The following GAS7 variants were observed in gnomAD, a reference collection of about 807,000 sequenced individuals.
The protein encoded by GAS7 is growth arrest-specific protein 7.
In GAS7, 28 loss-of-function variants were observed where a neutral mutation model predicts 71.1. The ratio of observed to expected loss-of-function variants is 0.39; its 90% CI spans 0.29 to 0.54. The LOEUF (loss-of-function observed/expected upper bound fraction) is 0.54, where lower values mean the gene tolerates loss of function less well. Among genes scored for constraint, GAS7 ranks in the 20% least tolerant of loss-of-function variants. The pLI, the probability that GAS7 is intolerant of heterozygous loss-of-function variation, is 0.62. For synonymous variants in GAS7, 258 were observed against 245.8 expected (o/e 1.05, Z -0.46); for missense variants, 436 against 627.8 (o/e 0.69, Z 3.27).
intron 1 of GAS7, chr17:10,059,688 T>C (rs1338229963): frequency 3.0e-6 from 3 of 985,114 alleles, no homozygotes; most frequent in Non-Finnish European, 3.6e-6. Flanking sequence ...TGGTTCCAAC[T>C]CACCTCAGCC....
At position 10,034,545 on chromosome 17, in the gene GAS7, G is replaced by A. The variant is rs1410590760; in HGVS notation, c.184-14648C>T. 6.6e-6 allele frequency among the ~76,000 whole-genome samples: 1 copy of A among 152,158 alleles called. No homozygotes were observed. The highest frequency in any genetic ancestry group is 1.9e-4 in the East Asian group (1 of 5,190). ...GCTGGCCTTGAACTCCTGACCTCAG[G>A]TGATCTGCCCACCTCGGCCTCCCAA... On this transcript the variant is annotated intron_variant, in intron 1 of 13. Transcript: ENST00000432992. This position sits in a 1 kb window ranked among gnomAD's most constrained non-coding sequence, Gnocchi z 4.4.
rs142055012 is a variant in GAS7 at position 10,099,998 on chromosome 17, T to C, written c.184-80101A>G. Among the ~76,000 whole-genome samples, 16 of 152,222 alleles carry C rather than the reference T, an allele frequency of 1.1e-4. No homozygotes were observed. The East Asian group carries it at 2.1e-3, about 20-fold the overall frequency. On this transcript the variant is annotated intron_variant, in intron 1 of 13. Transcript: ENST00000432992. ...TAGACCAGTTCCCTTAGCACCTACA[T>C]AGAAGATCAGGAATGGAAAGAGACA...
At chr17:10,077,956 C>T (rs181270312) in intron 1 of GAS7, among the ~76,000 whole-genome samples, 1 of 152,128 alleles carries the variant, frequency 6.6e-6, no homozygotes, top group East Asian at 1.9e-4. Flanking sequence ...CAGAACAGAG[C>T]AAATAGATGC....
At chr17:9,999,625 T>G (rs1000064436) in intron 2 of GAS7, among the ~76,000 whole-genome samples, 2 of 152,018 alleles carry the variant, frequency 1.3e-5, no homozygotes, top group African/African-American at 4.8e-5. Context: ...AGCAATAATC[T>G]CTCAGGTGTG....
chr17:9,922,140 T>C (rs115462366), intron 11 of GAS7, among the ~76,000 whole-genome samples: 1,757 of 152,136 alleles, frequency 0.012, 24 homozygotes, highest in African/African-American at 0.039. Flanking sequence ...GTAAAGCACT[T>C]AGAATAGAGA....
intron 2 of GAS7, among the ~76,000 whole-genome samples, chr17:10,003,504 C>T (rs2071352973): frequency 6.6e-6 from 1 of 152,226 alleles, no homozygotes; most frequent in Non-Finnish European, 1.5e-5. Flanking sequence ...GGAGCAGGAC[C>T]CTATCCCAAC....
chr17:9,953,586 C>G (rs570961462), intron 5 of GAS7, among the ~76,000 whole-genome samples: 1 of 152,166 alleles, frequency 6.6e-6, no homozygotes, highest in Non-Finnish European at 1.5e-5. Context: ...GCGAGGTATC[C>G]GAATCCAGAT....
At chr17:9,937,422 A>AGG (rs2068440071) in intron 8 of GAS7, among the ~76,000 whole-genome samples, 1 of 152,234 alleles carries the variant, frequency 6.6e-6, no homozygotes, top group African/African-American at 2.4e-5. Context: ...GGGGATACTT[A>AGG]GGAAAGCCCC....
intron 2 of GAS7, among the ~76,000 whole-genome samples, chr17:10,005,671 T>G (rs753670875): frequency 1.4e-4 from 21 of 152,204 alleles, no homozygotes; most frequent in Non-Finnish European, 2.4e-4. Context: ...ACAACATTTT[T>G]AAGCACTGTG....
At chr17:10,165,732 C>T (rs2074289205) in intron 1 of GAS7, among the ~76,000 whole-genome samples, 1 of 152,160 alleles carries the variant, frequency 6.6e-6, no homozygotes, top group Non-Finnish European at 1.5e-5. Flanking sequence ...TCCCCTACTC[C>T]AGCCTCCCAC....
chr17:10,090,484 C>T (rs1397497264), intron 1 of GAS7, among the ~76,000 whole-genome samples: 2 of 152,044 alleles, frequency 1.3e-5, no homozygotes, highest in Admixed American at 6.6e-5. Context: ...ACCTCACAGC[C>T]GACAGAGACA....
chr17:10,061,359 C>G (rs895440369), intron 1 of GAS7: 1 of 152,244 alleles, frequency 6.6e-6, no homozygotes, highest in African/African-American at 2.4e-5. Flanking sequence ...TGGGGTTGGG[C>G]TCAAGAAACC....
intron 4 of GAS7, among the ~76,000 whole-genome samples, chr17:9,962,412 G>C (rs531902051): frequency 2.6e-5 from 4 of 152,254 alleles, no homozygotes; most frequent in Admixed American, 2.6e-4. Flanking sequence ...CAGGTATTTG[G>C]AATATCCTAT....
intron 2 of GAS7, among the ~76,000 whole-genome samples, chr17:10,005,447 C>CA (rs1197474830): frequency 6.6e-6 from 1 of 151,834 alleles, no homozygotes; most frequent in Admixed American, 6.6e-5. Flanking sequence ...GGCCCAAACT[C>CA]AGACACCCAC....
At chr17:9,975,729 A>AT (rs1233688683) in intron 3 of GAS7, among the ~76,000 whole-genome samples, 9 of 152,068 alleles carry the variant, frequency 5.9e-5, no homozygotes, top group African/African-American at 2.2e-4. Context: ...CATTATTCAG[A>AT]TTGAGTTTAT....
chr17:10,154,871 A>T (rs2142111591), intron 1 of GAS7, among the ~76,000 whole-genome samples: 1 of 150,958 alleles, frequency 6.6e-6, no homozygotes, highest in East Asian at 1.9e-4. Context: ...GAAACGCTTC[A>T]TAAAGGTGGA....
intron 1 of GAS7, among the ~76,000 whole-genome samples, chr17:10,144,151 C>A (rs1301842224): frequency 6.6e-6 from 1 of 152,112 alleles, no homozygotes; most frequent in Non-Finnish European, 1.5e-5. Flanking sequence ...AACTCAAGGA[C>A]TGTGGGGTAC....
chr17:10,039,759 T>TC (rs1323496760), intron 1 of GAS7: 1 of 456,430 alleles, frequency 2.2e-6, no homozygotes, highest in South Asian at 1.5e-5. Context: ...CGTCTTGCGT[T>TC]CAATCTTGGG....
chr17:9,978,488 G>GA (rs2070290907), intron 3 of GAS7, among the ~76,000 whole-genome samples: 2 of 150,914 alleles, frequency 1.3e-5, no homozygotes, highest in South Asian at 4.2e-4. Flanking sequence ...TGTTTCTACA[G>GA]AAAAAAATAA....
Sources: allele counts gnomAD v4.1 joint callset (sites outside exome capture counted in the v4.1 genomes callset), GRCh38; gene constraint gnomAD v4.1.1; non-coding constraint Gnocchi (gnomAD v3.1); transcripts MANE v1.5; gene names NCBI Gene and HGNC (gene_info 2026-07-23, HGNC 2026-07-21).